DENND1A: variants seen among roughly 807,000 people sequenced by gnomAD.
DENND1A encodes the protein DENN domain-containing protein 1A.
DENND1A carries 51 observed loss-of-function variants against 113.7 expected under a neutral mutation model. The observed-to-expected ratio is 0.45, with a 90% CI of 0.36 to 0.57. The LOEUF is 0.57. Ranked by LOEUF, DENND1A falls within the 20% of genes least tolerant of loss-of-function variation. The pLI, the probability that DENND1A is intolerant of heterozygous loss-of-function variation, is 0.00. For missense variants in DENND1A, 1,258 were observed against 1,395.9 expected (o/e 0.90, Z 1.57); for synonymous variants, 565 against 570.8 (o/e 0.99, Z 0.14).
Position 123,500,499 on chromosome 9 carries a change from C to T in DENND1A, c.994-42602G>A, listed in dbSNP as rs2052377629. Among the ~76,000 whole-genome samples the T allele has an allele frequency of 1.3e-5, 2 of 152,196 alleles. 1 individual carries two copies. The highest frequency in any genetic ancestry group is 4.1e-4 in the South Asian group (2 of 4,830). ...GCATTTCCCCCCTTCACTGTCTGGTCTATGAACTCCTACTCATCCCTTAAA... is the reference window on the plus strand; with the variant it reads ...GCATTTCCCCCCTTCACTGTCTGGTTTATGAACTCCTACTCATCCCTTAAA... On this transcript the variant is annotated intron_variant, in intron 13 of 23. Transcript: ENST00000394215.
rs999243282 is a variant in DENND1A, at chr9:123,645,714, T to C, written c.618+6299A>G. On this transcript the variant is annotated intron_variant, in intron 9 of 23. Coordinates refer to ENST00000394215, the MANE Select transcript of DENND1A (RefSeq NM_001352964.2). ...GTTAAGAAAAGCCTTTTAAAAGTCA[T>C]AGTAATACATATTCATAGATTTCAA... Among the ~76,000 whole-genome samples, 5 of 152,328 alleles carry C rather than the reference T, an allele frequency of 3.3e-5. No individual in the cohort carries two copies. The South Asian group carries it at 6.2e-4, about 19-fold the overall frequency.
intron 6 of DENND1A, among the ~76,000 whole-genome samples, chr9:123,676,248 A>G (rs2064069935): frequency 6.6e-6 from 1 of 152,170 alleles, no homozygotes; most frequent in Non-Finnish European, 1.5e-5. Context: ...AGTTACTGTA[A>G]AAGCACCACA....
chr9:123,507,808 G>A (rs1018964300), intron 13 of DENND1A, among the ~76,000 whole-genome samples: 1 of 151,488 alleles, frequency 6.6e-6, no homozygotes, highest in African/African-American at 2.4e-5. Context: ...TGGGCAATGG[G>A]AGTGAGAACC....
chr9:123,780,639 T>G (rs973895940), intron 3 of DENND1A, among the ~76,000 whole-genome samples: 1 of 152,224 alleles, frequency 6.6e-6, no homozygotes, highest in Non-Finnish European at 1.5e-5. Flanking sequence ...AAAGTTTGTA[T>G]AAATGTAATA....
At chr9:123,705,164 C>G (rs1187984372) in intron 5 of DENND1A, among the ~76,000 whole-genome samples, 1 of 151,800 alleles carries the variant, frequency 6.6e-6, no homozygotes, top group Non-Finnish European at 1.5e-5. Context: ...ATTAGACATA[C>G]TCATTTGTGG....
At chr9:123,568,932 T>C (rs914636120) in intron 12 of DENND1A, among the ~76,000 whole-genome samples, 1 of 152,142 alleles carries the variant, frequency 6.6e-6, no homozygotes, top group Non-Finnish European at 1.5e-5. Context: ...CTGACAGAAA[T>C]TCAATTCTTG....
intron 5 of DENND1A, among the ~76,000 whole-genome samples, chr9:123,688,028 G>A (rs1240877316): frequency 1.3e-5 from 2 of 152,244 alleles, no homozygotes; most frequent in African/African-American, 4.8e-5. Flanking sequence ...TAGAAGTAGA[G>A]TGGTAAATAT....
chr9:123,543,019 T>C (rs1305923389), intron 13 of DENND1A, among the ~76,000 whole-genome samples: 1 of 152,224 alleles, frequency 6.6e-6, no homozygotes, highest in Non-Finnish European at 1.5e-5. Flanking sequence ...CGTCCTGAGC[T>C]GGGAAAGCCG....
chr9:123,456,909 C>G (rs1041508895), intron 15 of DENND1A: 3 of 162,342 alleles, frequency 1.8e-5, no homozygotes, highest in African/African-American at 7.2e-5. Context: ...CTCATGTACT[C>G]TGATTTAATC....
At chr9:123,584,124 C>G (rs1018800195) in intron 11 of DENND1A, among the ~76,000 whole-genome samples, 2 of 152,214 alleles carry the variant, frequency 1.3e-5, no homozygotes, top group Non-Finnish European at 2.9e-5. Context: ...CCCATTCAAT[C>G]CTCCTTCCCC....
intron 13 of DENND1A, among the ~76,000 whole-genome samples, chr9:123,497,850 ACTC>A (rs1318504800): frequency 2.0e-5 from 3 of 150,448 alleles, no homozygotes; most frequent in South Asian, 4.2e-4. Context: ...CTATCATTCT[ACTC>A]CTCAAGTAAG....
rs547387657 is a variant in DENND1A at position 123,857,103 on chromosome 9, T to A, written c.88+21848A>T. Among the ~76,000 whole-genome samples, 6 of 148,344 alleles carry A rather than the reference T, an allele frequency of 4.0e-5. No homozygotes were observed. In the South Asian group the frequency reaches 1.3e-3, roughly 32 times the overall value. ...ACACCACCATAGCAATGAACACACA[T>A]AGAATCAAAATTTTGGCTTTTAAAT... On this transcript the variant is annotated intron_variant, in intron 2 of 23. Coordinates refer to ENST00000394215, the MANE Select transcript of DENND1A (RefSeq NM_001352964.2).
At chr9:123,592,568 T>C (rs2059507176) in intron 11 of DENND1A, among the ~76,000 whole-genome samples, 1 of 152,226 alleles carries the variant, frequency 6.6e-6, no homozygotes, top group Non-Finnish European at 1.5e-5. Flanking sequence ...GGGGGGCTGG[T>C]AATATTTTGT....
At chr9:123,402,062 C>A in intron 21 of DENND1A, 1 of 1,121,386 alleles carries the variant, frequency 8.9e-7, no homozygotes, top group African/African-American at 1.6e-5. Context: ...AAGGAGGAAT[C>A]TTTAGTCCGA....
intron 19 of DENND1A, among the ~76,000 whole-genome samples, chr9:123,432,455 C>T (rs867407869): frequency 9.9e-5 from 15 of 152,282 alleles, no homozygotes; most frequent in Admixed American, 2.6e-4. Flanking sequence ...GACAGCCACC[C>T]CATGGGGACC....
chr9:123,806,426 T>G (rs1212158005), intron 2 of DENND1A, among the ~76,000 whole-genome samples: 1 of 152,032 alleles, frequency 6.6e-6, no homozygotes, highest in Admixed American at 6.6e-5. Context: ...CCAGCTAATA[T>G]TTGCATTTTT....
At chr9:123,451,723 C>T (rs998599557) in intron 17 of DENND1A, among the ~76,000 whole-genome samples, 1 of 152,204 alleles carries the variant, frequency 6.6e-6, no homozygotes, top group Non-Finnish European at 1.5e-5. Flanking sequence ...ATTTTAAAAG[C>T]TAAAACCAGT....
At chr9:123,642,790 C>T (rs895001240) in intron 9 of DENND1A, among the ~76,000 whole-genome samples, 1 of 152,226 alleles carries the variant, frequency 6.6e-6, no homozygotes, top group Non-Finnish European at 1.5e-5. Context: ...ACTCTCATCT[C>T]TGCTTCAAGG....
chr9:123,726,270 A>G (rs1404938480), intron 5 of DENND1A, among the ~76,000 whole-genome samples: 1 of 152,200 alleles, frequency 6.6e-6, no homozygotes, highest in Non-Finnish European at 1.5e-5. Flanking sequence ...AAAAGCTCTC[A>G]TTTGTAAAGG....
Sources: gnomAD v4.1 joint callset for allele counts (sites outside exome capture counted in the v4.1 genomes callset) on GRCh38, gnomAD v4.1.1 for gene constraint, MANE v1.5 for transcripts, NCBI Gene and HGNC (gene_info 2026-07-23, HGNC 2026-07-21) for gene names.